OPCML: variants seen among roughly 807,000 people sequenced by gnomAD.
The protein encoded by OPCML is opioid-binding protein/cell adhesion molecule.
In OPCML, 13 loss-of-function variants were observed where a neutral mutation model predicts 37.8. The ratio of observed to expected loss-of-function variants is 0.34; its 90% CI spans 0.22 to 0.55. The LOEUF (loss-of-function observed/expected upper bound fraction) is 0.55, where lower values mean the gene tolerates loss of function less well. Ranked by LOEUF, OPCML falls within the 20% of genes least tolerant of loss-of-function variation. The pLI is 0.91. For synonymous variants in OPCML, 176 were observed against 168.8 expected (o/e 1.04, Z -0.33); for missense variants, 341 against 435.6 (o/e 0.78, Z 1.93).
chr11:132,438,190 C>T (rs745635238), intron 4 of OPCML, among the ~76,000 whole-genome samples: 4 of 152,190 alleles, frequency 2.6e-5, no homozygotes, highest in Non-Finnish European at 4.4e-5. Flanking sequence ...CTGGCCTCTC[C>T]GCCTTACCCC....
intron 3 of OPCML, among the ~76,000 whole-genome samples, chr11:132,617,565 A>G (rs989670440): frequency 9.2e-5 from 14 of 152,212 alleles, no homozygotes; most frequent in South Asian, 2.1e-4. Context: ...TCTGTAGCCA[A>G]TGATACTGTC....
rs568624135 is a variant in OPCML at position 132,816,667 on chromosome 11, C to T, written c.146+126259G>A. Among the ~76,000 whole-genome samples the T allele has an allele frequency of 4.7e-4, 71 of 152,238 alleles. No individual in the cohort carries two copies. In the South Asian group the frequency reaches 0.011, roughly 24 times the overall value. ...AGAAGAAGAAAACTGAGAATCACAG[C>T]GTTCGAGAGTTCTGAGAGAGTTTTT... is the stretch of plus-strand genomic sequence containing the variant. On this transcript the variant is annotated intron_variant, in intron 2 of 7. Coordinates refer to ENST00000524381, the MANE Select transcript of OPCML (RefSeq NM_001012393.5).
At chr11:132,452,367 A>G (rs1285069282) in intron 4 of OPCML, among the ~76,000 whole-genome samples, 1 of 152,122 alleles carries the variant, frequency 6.6e-6, no homozygotes, top group Non-Finnish European at 1.5e-5. Context: ...CACCAGTGGC[A>G]GACTACCTGT....
At chr11:132,575,821 C>A (rs1419752010) in intron 3 of OPCML, among the ~76,000 whole-genome samples, 1 of 152,012 alleles carries the variant, frequency 6.6e-6, no homozygotes, top group East Asian at 1.9e-4. Flanking sequence ...TCTTATGTGA[C>A]AGGTTTAGTG....
intron 2 of OPCML, among the ~76,000 whole-genome samples, chr11:132,780,476 G>A (rs1946970806): frequency 6.6e-6 from 1 of 152,082 alleles, no homozygotes; most frequent in Non-Finnish European, 1.5e-5. Context: ...TCCAAACTTA[G>A]TCCCCTGAGA....
intron 4 of OPCML, among the ~76,000 whole-genome samples, chr11:132,511,015 G>A (rs1185575127): frequency 2.0e-5 from 3 of 152,056 alleles, no homozygotes; most frequent in African/African-American, 2.4e-5. Context: ...CATACTGACT[G>A]GTATGAAAGA....
chr11:132,757,161 T>C (rs902518957), intron 2 of OPCML, among the ~76,000 whole-genome samples: 1 of 152,006 alleles, frequency 6.6e-6, no homozygotes, highest in Non-Finnish European at 1.5e-5. Context: ...TAGTATTCCA[T>C]GGTGCATATG....
chr11:132,468,157 A>C (rs899245251), intron 4 of OPCML, among the ~76,000 whole-genome samples: 1 of 152,266 alleles, frequency 6.6e-6, no homozygotes, highest in Non-Finnish European at 1.5e-5. Flanking sequence ...GTTGATCTCT[A>C]AACTGCTCAC....
chr11:133,318,195 G>A (rs987530426), intron 1 of OPCML, among the ~76,000 whole-genome samples: 4 of 152,146 alleles, frequency 2.6e-5, no homozygotes, highest in East Asian at 3.9e-4. Flanking sequence ...ACATACACAC[G>A]TCTGGGTTAG....
At chr11:132,655,272 T>G (rs972292293) in intron 3 of OPCML, among the ~76,000 whole-genome samples, 2 of 152,162 alleles carry the variant, frequency 1.3e-5, no homozygotes, top group Non-Finnish European at 1.5e-5. Flanking sequence ...GCCACTGAGG[T>G]GGCACTTCCG....
chr11:133,250,924 C>G (rs1941112876), intron 1 of OPCML, among the ~76,000 whole-genome samples: 1 of 152,038 alleles, frequency 6.6e-6, no homozygotes, highest in Non-Finnish European at 1.5e-5. Flanking sequence ...TTCTGCTGCA[C>G]CTGCCAGCAC....
chr11:133,191,222 C>A (rs925690816), intron 1 of OPCML, among the ~76,000 whole-genome samples: 7 of 152,000 alleles, frequency 4.6e-5, no homozygotes, highest in African/African-American at 1.7e-4. Flanking sequence ...CCCTAATGAT[C>A]AGTGATGACA....
At chr11:133,068,438 G>A (rs1948473637) in intron 1 of OPCML, among the ~76,000 whole-genome samples, 1 of 152,218 alleles carries the variant, frequency 6.6e-6, no homozygotes, top group Non-Finnish European at 1.5e-5. Flanking sequence ...AGCCTGTCTT[G>A]TGAGCAGTGC....
At chr11:132,435,054 T>C (rs1458733119) in intron 7 of OPCML, 4 of 568,512 alleles carry the variant, frequency 7.0e-6, no homozygotes, top group Non-Finnish European at 1.2e-5. Flanking sequence ...CTCAGAGACA[T>C]AAATTACAGA....
chr11:132,460,069 A>AT (rs1305459297), intron 4 of OPCML, among the ~76,000 whole-genome samples: 2 of 152,152 alleles, frequency 1.3e-5, no homozygotes, highest in African/African-American at 4.8e-5. Flanking sequence ...CTAACAGGTG[A>AT]TTTTTCCTTG....
chr11:132,631,479 A>G (rs1314858210), intron 3 of OPCML, among the ~76,000 whole-genome samples: 1 of 150,334 alleles, frequency 6.7e-6, no homozygotes, highest in African/African-American at 2.4e-5. Flanking sequence ...TATTTTTTTG[A>G]GACGGAGTCT....
intron 3 of OPCML, among the ~76,000 whole-genome samples, chr11:132,584,867 A>T (rs2096469219): frequency 1.3e-5 from 2 of 152,260 alleles, no homozygotes; most frequent in African/African-American, 4.8e-5. Context: ...ACATTTATCG[A>T]CAGAAAACAG....
chr11:132,865,719 A>G (rs1478199059), intron 2 of OPCML, among the ~76,000 whole-genome samples: 5 of 152,194 alleles, frequency 3.3e-5, no homozygotes, highest in Non-Finnish European at 5.9e-5. Context: ...ATCTGAGAAC[A>G]TGGCCTGCTG....
At chr11:132,729,446 A>G (rs958364261) in intron 2 of OPCML, among the ~76,000 whole-genome samples, 8 of 152,170 alleles carry the variant, frequency 5.3e-5, no homozygotes, top group African/African-American at 1.7e-4. Flanking sequence ...GGGCTGGTCA[A>G]ACTTGAGCAT....
Sources: allele counts gnomAD v4.1 joint callset (sites outside exome capture counted in the v4.1 genomes callset), GRCh38; gene constraint gnomAD v4.1.1; transcripts MANE v1.5; gene names NCBI Gene and HGNC (gene_info 2026-07-23, HGNC 2026-07-21).